Variants in DNAJC28 observed in about 807,000 individuals in gnomAD.
DNAJC28 encodes dnaJ homolog subfamily C member 28.
DNAJC28 carries 24 observed loss-of-function variants against 33.3 expected under a neutral mutation model. That is an observed-to-expected ratio of 0.72 (90% confidence interval 0.52 to 1.01). The LOEUF (loss-of-function observed/expected upper bound fraction) is 1.01, where lower values mean the gene tolerates loss of function less well. Ranked by LOEUF, DNAJC28 falls within the 50% of genes least tolerant of loss-of-function variation. The pLI, the probability that DNAJC28 is intolerant of heterozygous loss-of-function variation, is 0.00. For synonymous variants in DNAJC28, 120 were observed against 147.2 expected (o/e 0.82, Z 1.34); for missense variants, 442 against 455.2 (o/e 0.97, Z 0.26).
Position 33,489,162 on chromosome 21 carries a change from A to G in DNAJC28, c.232T>C (p.Tyr78His). The G allele has an allele frequency of 6.2e-7, 1 of 1,611,906 alleles. No homozygotes were observed. The highest frequency in any genetic ancestry group is 2.2e-5 in the East Asian group (1 of 44,868). Residue 78 changes from tyrosine to histidine, a missense_variant, in exon 2 of 2, where the codon TAT (tyrosine) becomes CAT (histidine). Transcript: ENST00000381947. ...GTATTAGAGCCACTGTCAGGATGAT[A>G]TTGCTTGGCAAGCTTATGAAAAGAT... is the stretch of plus-strand genomic sequence containing the variant. ...RESFHKLAKQYHPDSGSNTAD... is the reference protein window; with the variant it reads ...RESFHKLAKQHHPDSGSNTAD...
chr21:33,489,789 C>CA, intron 1 of DNAJC28, among the ~76,000 whole-genome samples: 1 of 120,486 alleles, frequency 8.3e-6, no homozygotes, highest in South Asian at 2.7e-4. Context: ...TGCGCTCAGC[C>CA]TTTTTTTTTT....
chr21:33,490,389 G>T (rs2084511959), intron 1 of DNAJC28, among the ~76,000 whole-genome samples: 1 of 151,790 alleles, frequency 6.6e-6, no homozygotes, highest in South Asian at 2.1e-4. Flanking sequence ...TTACAGGCGT[G>T]AGCCACCGCA....
At chr21:33,491,319 C>T (rs894830039) in intron 1 of DNAJC28, 4 of 152,294 alleles carry the variant, frequency 2.6e-5, no homozygotes, top group Admixed American at 1.3e-4. Flanking sequence ...CTCCTGAGAC[C>T]CCCTATTTTC....
rs758184907 is a variant in DNAJC28 at position 33,488,912 on chromosome 21, C to T, written c.482G>A (p.Arg161His). The change falls in exon 2 of 2, where the codon CGT becomes CAT. Residue 161 changes from arginine to histidine, a missense_variant. Arg to His is a conservative substitution (Grantham distance 29). Transcript: ENST00000381947. Reference protein sequence around the residue: ...EKHYRQFRADRAAEQVMEYQK... With the variant: ...EKHYRQFRADHAAEQVMEYQK... ...ATATTCCATCACTTGTTCAGCAGCA[C>T]GGTCTGCCCTAAATTGCCTATAATG... is the stretch of plus-strand genomic sequence containing the variant. 9.3e-6 allele frequency: 15 copies of T among 1,612,858 alleles called. No individual in the cohort carries two copies. Among genetic ancestry groups the T allele is most frequent in the South Asian group, 8.8e-5 (8 of 90,778 alleles).
At position 33,488,381 on chromosome 21, in the gene DNAJC28, T is replaced by C. The variant is rs778647123; in HGVS notation, c.1013A>G (p.Gln338Arg). 3 of 1,593,392 alleles carry C rather than the reference T, an allele frequency of 1.9e-6. No homozygotes were observed. Among genetic ancestry groups the C allele is most frequent in the Non-Finnish European group, 2.6e-6 (3 of 1,174,642 alleles). ...FDAQKEIVRAQKIYETLIKTK... is the reference protein window; with the variant it reads ...FDAQKEIVRARKIYETLIKTK... Reference sequence around the variant, plus strand: ...TTTTATAAGGGTCTCGTATATTTTCTGGGCTCTGACAATTTCTTTCTGAGC... The same window carrying C: ...TTTTATAAGGGTCTCGTATATTTTCCGGGCTCTGACAATTTCTTTCTGAGC... Residue 338 changes from glutamine to arginine, a missense_variant, in exon 2 of 2, where the codon CAG (glutamine) becomes CGG (arginine). Transcript: ENST00000381947.
Position 33,491,713 on chromosome 21 carries a change from C to T in DNAJC28, c.-143G>A, listed in dbSNP as rs1171886810. 1 of 152,292 alleles carries T rather than the reference C, an allele frequency of 6.6e-6. No individual in the cohort carries two copies. The allele number at this position is 152,292 out of a possible 1,614,324, so 9.4% of individuals were successfully genotyped here. On this transcript the variant is annotated 5_prime_UTR_variant, in exon 1 of 2. Coordinates refer to ENST00000381947, the MANE Select transcript of DNAJC28 (RefSeq NM_001040192.3). The stretch of plus-strand genomic sequence containing the variant: ...GGGAGCCTTCGTCCCGACCGGGGAC[C>T]ACCAGCTCCACCTCCGTCCCCGCCC...
chr21:33,488,811 T>G lies in DNAJC28; in HGVS notation c.583A>C (p.Lys195Gln). 2 of 1,613,590 alleles carry G rather than the reference T, an allele frequency of 1.2e-6. No homozygotes were observed. The highest frequency in any genetic ancestry group is 2.7e-5 in the African/African-American group (2 of 75,010). ...AAACGTTCTATAGCTTGCGTTATCT[T>G]TTGCTGTTTGCTCTGTCTTATATTT... ...VKNIRQSKQQ[K>Q]ITQAIERLVE... The change falls in exon 2 of 2, where the codon AAG becomes CAG. Residue 195 changes from lysine (K) to glutamine (Q), a missense_variant. Coordinates refer to ENST00000381947, the MANE Select transcript of DNAJC28 (RefSeq NM_001040192.3).
intron 1 of DNAJC28, among the ~76,000 whole-genome samples, chr21:33,490,120 C>CTT (rs899299286): frequency 9.8e-4 from 130 of 132,856 alleles, no homozygotes; most frequent in Middle Eastern, 4.4e-3. Context: ...CTTTTCTTTT[C>CTT]TTTTTTTTTT....
At chr21:33,490,016 C>T (rs949417689) in intron 1 of DNAJC28, among the ~76,000 whole-genome samples, 16 of 151,318 alleles carry the variant, frequency 1.1e-4, no homozygotes, top group Admixed American at 6.6e-4. Context: ...TGGTCTCCAA[C>T]TCCTGAGCTC....
At position 33,489,269 on chromosome 21, in the gene DNAJC28, G is replaced by C; in HGVS notation, c.125C>G (p.Thr42Ser). 4 of 1,602,944 alleles carry C rather than the reference G, an allele frequency of 2.5e-6. No individual in the cohort carries two copies. The highest frequency in any genetic ancestry group is 3.4e-6 in the Non-Finnish European group (4 of 1,176,896). ...FGIIRNRMMS[T>S]HKSKKKIREY... Reference sequence around the variant, plus strand: ...TCTGATCTTCTTTTTGGATTTATGGGTTGACATCATTCTATTTCTAATGAT... The same window carrying C: ...TCTGATCTTCTTTTTGGATTTATGGCTTGACATCATTCTATTTCTAATGAT... The change falls in exon 2 of 2, where the codon ACC becomes AGC. Residue 42 changes from threonine to serine, a missense_variant. Transcript: ENST00000381947.
At chr21:33,491,492 C>T (rs2084523950) in intron 1 of DNAJC28, 110 bp downstream of exon 1, 1 of 152,652 alleles carries the variant, frequency 6.6e-6, no homozygotes, top group Non-Finnish European at 1.5e-5. Context: ...GCGCGGTCCG[C>T]CCTTCACTGC....
rs368520867 is a variant in DNAJC28 at position 33,489,028 on chromosome 21, ATCT to A, written c.363_365del (p.Glu121del). On this transcript the variant is annotated inframe_deletion, in exon 2 of 2. Transcript: ENST00000381947. Reference sequence around the variant, plus strand: ...GTGTTTTATATTTGAATTTTTCTACATCTTCTTCTTCTTCACCTTTACTCTGAC... The same window carrying A: ...GTGTTTTATATTTGAATTTTTCTACATCTTCTTCTTCACCTTTACTCTGAC... The A allele has an allele frequency of 3.8e-5, 62 of 1,612,242 alleles. No homozygotes were observed. Among genetic ancestry groups the A allele is most frequent in the Middle Eastern group, 1.7e-4 (1 of 6,054 alleles).
In DNAJC28 at chr21:33,488,346, CTTCTT is replaced by C; in HGVS notation, c.1043_1047del (p.Lys348SerfsTer4). On this transcript the variant is annotated frameshift_variant, in exon 2 of 2. Coordinates refer to ENST00000381947, the MANE Select transcript of DNAJC28 (RefSeq NM_001040192.3). LOFTEE classifies it high-confidence loss of function. ...AGGTTATTTGGGTTTCTATCTGTGA[CTTCTT>C]TTGTTTTTATAAGGGTCTCGTATAT... 6.3e-7 allele frequency: 1 copy of C among 1,585,590 alleles called. No individual in the cohort carries two copies. Among genetic ancestry groups the C allele is most frequent in the Non-Finnish European group, 8.5e-7 (1 of 1,173,150 alleles).
At position 33,488,779 on chromosome 21, in the gene DNAJC28, C is replaced by A; in HGVS notation, c.615G>T (p.Glu205Asp). Residue 205 changes from glutamate to aspartate, a missense_variant, in exon 2 of 2, where the codon GAG (glutamate) becomes GAT (aspartate). Transcript: ENST00000381947. ...TTGCCATGGATTCTTGAATGAGGTCCTCCACTAAACGTTCTATAGCTTGCG... is the reference window on the plus strand; with the variant it reads ...TTGCCATGGATTCTTGAATGAGGTCATCCACTAAACGTTCTATAGCTTGCG... ...KITQAIERLV[E>D]DLIQESMAKG... The A allele has an allele frequency of 6.2e-7, 1 of 1,613,638 alleles. No individual in the cohort carries two copies. The highest frequency in any genetic ancestry group is 8.5e-7 in the Non-Finnish European group (1 of 1,179,954).
rs759028742 is a variant in DNAJC28, at chr21:33,488,466, G to A, written c.928C>T (p.Arg310Ter). 7.0e-5 allele frequency: 112 copies of A among 1,610,550 alleles called. 1 individual carries two copies. The highest frequency in any genetic ancestry group is 8.3e-5 in the Non-Finnish European group (98 of 1,179,050). Residue 310 changes from arginine to a stop codon, truncating the protein, a stop_gained, in exon 2 of 2, where the codon CGA becomes TGA. Transcript: ENST00000381947. LOFTEE classifies it high-confidence loss of function. ...ACAATTAAATTAAAATCATTAATTC[G>A]CTTGTTTAATTTTCTGATGTTTTCT... Reference protein sequence around the residue: ...FQENIRKLNKRINDFNLIVPI... With the variant: ...FQENIRKLNK
In DNAJC28 at chr21:33,489,158, T is replaced by A; in HGVS notation, c.236A>T (p.His79Leu). ...AGCAGTATTAGAGCCACTGTCAGGATGATATTGCTTGGCAAGCTTATGAAA... is the reference window on the plus strand; with the variant it reads ...AGCAGTATTAGAGCCACTGTCAGGAAGATATTGCTTGGCAAGCTTATGAAA... The part of the protein sequence containing the change: ...ESFHKLAKQY[H>L]PDSGSNTADS... The change falls in exon 2 of 2, where the codon CAT (histidine) becomes CTT (leucine). Residue 79 changes from histidine (H) to leucine (L), a missense_variant. By Grantham distance (99) the His-to-Leu change is moderately conservative (BLOSUM62 -3). Coordinates refer to ENST00000381947, the MANE Select transcript of DNAJC28 (RefSeq NM_001040192.3). The A allele has an allele frequency of 6.2e-7, 1 of 1,612,254 alleles. No individual in the cohort carries two copies. The highest frequency in any genetic ancestry group is 8.5e-7 in the Non-Finnish European group (1 of 1,179,624).
Position 33,489,172 on chromosome 21 carries a change from A to G in DNAJC28, c.222T>C (p.Leu74=). ...ADEVRESFHK[L]AKQYHPDSGS... ...CACTGTCAGGATGATATTGCTTGGC[A>G]AGCTTATGAAAAGATTCCCTGACTT... The change falls in exon 2 of 2, where the codon CTT becomes CTC. Residue 74 remains leucine (L), a synonymous_variant. Transcript: ENST00000381947. The G allele has an allele frequency of 3.7e-6, 6 of 1,611,504 alleles. No homozygotes were observed. Among genetic ancestry groups the G allele is most frequent in the Non-Finnish European group, 5.1e-6 (6 of 1,179,404 alleles).
chr21:33,489,321 G>T lies in DNAJC28; in HGVS notation c.73C>A (p.Arg25=). ...CCAAAATATGGAAGCATTTTCACTC[G>T]ATTAGGAATCACTGTAGCCTTTATC... ...HLIKATVIPN[R]VKMLPYFGII... The change falls in exon 2 of 2, where the codon CGA becomes AGA. Residue 25 remains arginine, a synonymous_variant. Transcript: ENST00000381947. 1.9e-6 allele frequency: 3 copies of T among 1,582,900 alleles called. No homozygotes were observed. Among genetic ancestry groups the T allele is most frequent in the Non-Finnish European group, 1.7e-6 (2 of 1,168,808 alleles).
Position 33,489,264 on chromosome 21 carries a change from T to A in DNAJC28, c.130A>T (p.Lys44Ter), listed in dbSNP as rs539580049. The change falls in exon 2 of 2, where the codon AAA becomes TAA. Residue 44 changes from lysine (K) to a stop codon, truncating the protein, a stop_gained. Coordinates refer to ENST00000381947, the MANE Select transcript of DNAJC28 (RefSeq NM_001040192.3). LOFTEE classifies it high-confidence loss of function. Reference sequence around the variant, plus strand: ...TATTCTCTGATCTTCTTTTTGGATTTATGGGTTGACATCATTCTATTTCTA... The same window carrying A: ...TATTCTCTGATCTTCTTTTTGGATTAATGGGTTGACATCATTCTATTTCTA... ...IIRNRMMSTHKSKKKIREYYR... is the reference protein window; with the variant it reads ...IIRNRMMSTH 1.2e-6 allele frequency: 2 copies of A among 1,600,954 alleles called. No individual in the cohort carries two copies. The highest frequency in any genetic ancestry group is 2.7e-5 in the African/African-American group (2 of 74,188).
Sources: allele counts gnomAD v4.1 joint callset (sites outside exome capture counted in the v4.1 genomes callset), GRCh38; gene constraint gnomAD v4.1.1; transcripts MANE v1.5; gene names NCBI Gene and HGNC (gene_info 2026-07-23, HGNC 2026-07-21).